The following ST8SIA1 variants were observed in gnomAD, a reference collection of about 807,000 sequenced individuals.
ST8SIA1 encodes the protein alpha-N-acetylneuraminide alpha-2,8-sialyltransferase.
Under a neutral mutation model 35.9 loss-of-function variants are expected in ST8SIA1, and 16 were observed. That is an observed-to-expected ratio of 0.45 (90% CI 0.30 to 0.68). ST8SIA1 has a LOEUF of 0.68. Ranked by LOEUF, ST8SIA1 falls within the 30% of genes least tolerant of loss-of-function variation. The pLI is 0.09. For missense variants in ST8SIA1, 383 were observed against 453.6 expected (o/e 0.84, Z 1.41); for synonymous variants, 170 against 169.6 (o/e 1.00, Z -0.02).
intron 4 of ST8SIA1, among the ~76,000 whole-genome samples, chr12:22,217,844 C>T (rs1274896505): frequency 4.6e-5 from 7 of 152,162 alleles, no homozygotes; most frequent in African/African-American, 1.7e-4. Context: ...GCATTATCTC[C>T]AAGGACACAA....
At chr12:22,249,960 G>A (rs1044048868) in intron 3 of ST8SIA1, among the ~76,000 whole-genome samples, 2 of 152,170 alleles carry the variant, frequency 1.3e-5, no homozygotes, top group African/African-American at 4.8e-5. Context: ...TGACTTGTGT[G>A]TGTGTGGCCA....
intron 1 of ST8SIA1, among the ~76,000 whole-genome samples, chr12:22,307,773 T>C (rs1380293831): frequency 3.3e-5 from 5 of 152,230 alleles, no homozygotes; most frequent in African/African-American, 9.6e-5. Context: ...TCTTCATTCT[T>C]ACAAGTTTAT....
At chr12:22,251,752 G>T (rs1039222880) in intron 3 of ST8SIA1, among the ~76,000 whole-genome samples, 3 of 152,294 alleles carry the variant, frequency 2.0e-5, no homozygotes, top group South Asian at 4.1e-4. Flanking sequence ...TAGCAACTGT[G>T]CTCATGATCC....
intron 2 of ST8SIA1, among the ~76,000 whole-genome samples, chr12:22,281,691 G>C (rs1215134323): frequency 6.6e-6 from 1 of 151,890 alleles, no homozygotes; most frequent in African/African-American, 2.4e-5. Flanking sequence ...AGCTGCAAAA[G>C]AAATTTCTTG....
intron 2 of ST8SIA1, among the ~76,000 whole-genome samples, chr12:22,256,420 A>G (rs1865729072): frequency 6.6e-6 from 1 of 152,194 alleles, no homozygotes; most frequent in Admixed American, 6.5e-5. Flanking sequence ...CCAGGTACAG[A>G]ATTTCCTGCT....
chr12:22,206,741 G>A (rs1053710491), intron 4 of ST8SIA1, among the ~76,000 whole-genome samples: 4 of 152,178 alleles, frequency 2.6e-5, no homozygotes, highest in African/African-American at 9.7e-5. Flanking sequence ...AGAGCTTCCA[G>A]TCACCAAACA....
At chr12:22,285,697 C>A (rs1170235609) in intron 2 of ST8SIA1, among the ~76,000 whole-genome samples, 1 of 151,890 alleles carries the variant, frequency 6.6e-6, no homozygotes, top group Non-Finnish European at 1.5e-5. Flanking sequence ...CACGGTGAAA[C>A]ATGGTCTCTA....
rs376548339 is a variant in ST8SIA1 at position 22,334,003 on chromosome 12, G to C, written c.230C>G (p.Ala77Gly). 1.9e-6 allele frequency: 3 copies of C among 1,613,730 alleles called. No homozygotes were observed. Among genetic ancestry groups the C allele is most frequent in the Non-Finnish European group, 2.5e-6 (3 of 1,179,872 alleles). ...AWRRNQTAAR[A>G]FRKQMEDCCD... ...GCCGCGAGGGCAGGAGTACCTGAAC[G>C]CTCTGGCCGCGGTCTGGTTCCTCCT... is the stretch of plus-strand genomic sequence containing the variant. Residue 77 changes from alanine to glycine, a missense_variant, in exon 1 of 5, where the codon GCG (alanine) becomes GGG (glycine). Transcript: ENST00000396037.
At chr12:22,272,121 A>G (rs1277861188) in intron 2 of ST8SIA1, among the ~76,000 whole-genome samples, 1 of 152,322 alleles carries the variant, frequency 6.6e-6, no homozygotes, top group East Asian at 1.9e-4. Context: ...TGATGCAATA[A>G]AAGGTCACCA....
intron 4 of ST8SIA1, among the ~76,000 whole-genome samples, chr12:22,218,784 C>T (rs1865263480): frequency 6.6e-6 from 1 of 151,596 alleles, no homozygotes. Flanking sequence ...TGAGCCACTG[C>T]ACTCTAGCCT....
At chr12:22,226,442 A>C (rs1865358502) in intron 4 of ST8SIA1, among the ~76,000 whole-genome samples, 1 of 152,022 alleles carries the variant, frequency 6.6e-6, no homozygotes, top group African/African-American at 2.4e-5. Flanking sequence ...AATGTAACTA[A>C]GTACTTCTGC....
chr12:22,231,073 C>A (rs1307035445), intron 4 of ST8SIA1, among the ~76,000 whole-genome samples: 3 of 149,860 alleles, frequency 2.0e-5, no homozygotes, highest in African/African-American at 7.3e-5. Context: ...AATAAGTGAG[C>A]ATGAGTATTT....
intron 1 of ST8SIA1, among the ~76,000 whole-genome samples, chr12:22,309,471 C>G (rs778987070): frequency 6.6e-6 from 1 of 152,148 alleles, no homozygotes; most frequent in Non-Finnish European, 1.5e-5. Context: ...ATGCTAACAC[C>G]ACTGCTTTTT....
chr12:22,312,675 T>C (rs896255226), intron 1 of ST8SIA1, among the ~76,000 whole-genome samples: 8 of 151,098 alleles, frequency 5.3e-5, no homozygotes, highest in Admixed American at 4.6e-4. Flanking sequence ...AGATTGTTTG[T>C]ATTTGGTGTG....
chr12:22,216,362 G>A (rs1183641795), intron 4 of ST8SIA1, among the ~76,000 whole-genome samples: 1 of 152,112 alleles, frequency 6.6e-6, no homozygotes, highest in African/African-American at 2.4e-5. Context: ...CTGCTCGTCA[G>A]CACTCCCTAC....
chr12:22,274,260 A>C (rs1865944376), intron 2 of ST8SIA1, among the ~76,000 whole-genome samples: 1 of 152,204 alleles, frequency 6.6e-6, no homozygotes, highest in Admixed American at 6.5e-5. Context: ...TTTAAGCAAA[A>C]TGATTGCATG....
chr12:22,202,001 C>A lies in ST8SIA1; in HGVS notation c.622G>T (p.Asp208Tyr), dbSNP rs1452443907. 1 of 1,611,740 alleles carries A rather than the reference C, an allele frequency of 6.2e-7. No homozygotes were observed. The highest frequency in any genetic ancestry group is 8.5e-7 in the Non-Finnish European group (1 of 1,179,314). Residue 208 changes from aspartate (D) to tyrosine (Y), a missense_variant, in exon 5 of 5, where the codon GAC (aspartate) becomes TAC (tyrosine). Asp to Tyr is a radical substitution (Grantham distance 160, BLOSUM62 -3). Coordinates refer to ENST00000396037, the MANE Select transcript of ST8SIA1 (RefSeq NM_003034.4). ...NLLWSRKTFV[D>Y]NMKIYNHSYI... ...CTGTGGTTATAAATTTTCATGTTGT[C>A]CACAAATGTCTTTCTGGACCACAGA...
chr12:22,232,338 A>G (rs1012548188), intron 4 of ST8SIA1, among the ~76,000 whole-genome samples: 2 of 152,200 alleles, frequency 1.3e-5, no homozygotes, highest in Admixed American at 1.3e-4. Flanking sequence ...AAAATACGAA[A>G]GTAGAGCCAC....
intron 4 of ST8SIA1, chr12:22,223,686 A>G (rs938025432): frequency 2.5e-6 from 3 of 1,214,822 alleles, no homozygotes; most frequent in Non-Finnish European, 3.1e-6. Context: ...TGATTGCTGG[A>G]GACGTTCTGT....
Sources: allele counts gnomAD v4.1 joint callset (sites outside exome capture counted in the v4.1 genomes callset), GRCh38; gene constraint gnomAD v4.1.1; transcripts MANE v1.5; gene names NCBI Gene and HGNC (gene_info 2026-07-23, HGNC 2026-07-21).